Variants in GRID2 observed in about 807,000 individuals in gnomAD.
The protein encoded by GRID2 is glutamate ionotropic receptor delta type subunit 2.
In GRID2, 33 loss-of-function variants were observed where a neutral mutation model predicts 114.8. That is an observed-to-expected ratio of 0.29 (90% CI 0.22 to 0.38). The LOEUF (loss-of-function observed/expected upper bound fraction) is 0.38, where lower values mean the gene tolerates loss of function less well. GRID2 is among the 10% of genes least tolerant of loss of function. GRID2 has a pLI of 1.00. For synonymous variants in GRID2, 505 were observed against 449.9 expected, an observed-to-expected ratio of 1.12 and a Z score of -1.55; for missense variants, 1,184 against 1,257.7, an observed-to-expected ratio of 0.94 and a Z score of 0.89.
intron 2 of GRID2, among the ~76,000 whole-genome samples, chr4:92,911,847 C>A (rs946975720): frequency 9.3e-5 from 14 of 151,082 alleles, no homozygotes; most frequent in Non-Finnish European, 1.6e-4. Flanking sequence ...CATGCAGCAA[C>A]AATAAATCCC....
intron 11 of GRID2, among the ~76,000 whole-genome samples, chr4:93,469,611 A>G (rs763830025): frequency 1.1e-4 from 16 of 152,082 alleles, no homozygotes; most frequent in Non-Finnish European, 2.2e-4. Context: ...AACTCTTTCC[A>G]TTTAAACATT....
At chr4:93,180,085 G>A (rs1739740265) in intron 4 of GRID2, among the ~76,000 whole-genome samples, 1 of 151,978 alleles carries the variant, frequency 6.6e-6, no homozygotes, top group South Asian at 2.1e-4. Flanking sequence ...AGTTACTCAG[G>A]TTACATACAA....
intron 2 of GRID2, among the ~76,000 whole-genome samples, chr4:92,983,528 T>C (rs901356246): frequency 1.3e-5 from 2 of 152,126 alleles, no homozygotes; most frequent in African/African-American, 4.8e-5. Context: ...TCTCATTTTT[T>C]TGTCTTCAAA....
At chr4:93,507,156 A>G (rs1386423296) in intron 12 of GRID2, among the ~76,000 whole-genome samples, 2 of 152,194 alleles carry the variant, frequency 1.3e-5, no homozygotes, top group African/African-American at 4.8e-5. Context: ...AATATCTTTT[A>G]CAGAGCTCTT....
At chr4:93,467,968 T>C (rs1724448817) in intron 11 of GRID2, among the ~76,000 whole-genome samples, 1 of 152,222 alleles carries the variant, frequency 6.6e-6, no homozygotes, top group African/African-American at 2.4e-5. Context: ...TTGTTACCTT[T>C]CCAGAAGACC....
At chr4:92,941,369 G>T (rs1434792096) in intron 2 of GRID2, among the ~76,000 whole-genome samples, 1 of 152,120 alleles carries the variant, frequency 6.6e-6, no homozygotes, top group Non-Finnish European at 1.5e-5. Flanking sequence ...GGTGTTTATA[G>T]TATTCTCTGA....
At chr4:92,430,411 G>A (rs1326384622) in intron 1 of GRID2, among the ~76,000 whole-genome samples, 1 of 152,092 alleles carries the variant, frequency 6.6e-6, no homozygotes, top group African/African-American at 2.4e-5. Context: ...TGAGTTCACT[G>A]TAGATGTATG....
intron 2 of GRID2, among the ~76,000 whole-genome samples, chr4:92,872,232 T>C (rs1745329113): frequency 6.6e-6 from 1 of 152,152 alleles, no homozygotes; most frequent in Admixed American, 6.5e-5. Context: ...TTTATTAATA[T>C]CAATTTATGA....
intron 1 of GRID2, among the ~76,000 whole-genome samples, chr4:92,555,287 T>C (rs2149176708): frequency 1.3e-5 from 2 of 152,220 alleles, no homozygotes; most frequent in African/African-American, 4.8e-5. Flanking sequence ...GCACTAAATG[T>C]ATGTAGGGTT....
intron 1 of GRID2, among the ~76,000 whole-genome samples, chr4:92,466,854 T>C (rs772804574): frequency 1.3e-5 from 2 of 151,772 alleles, no homozygotes; most frequent in Admixed American, 1.3e-4. Context: ...TATATATATA[T>C]GTAAACATAC....
chr4:92,934,618 T>C (rs1242039117), intron 2 of GRID2, among the ~76,000 whole-genome samples: 2 of 146,062 alleles, frequency 1.4e-5, no homozygotes, highest in African/African-American at 2.4e-5. Flanking sequence ...GGAGGCATCA[T>C]GCTACCTGAC....
At chr4:92,508,869 T>C (rs186148801) in intron 1 of GRID2, among the ~76,000 whole-genome samples, 68 of 151,996 alleles carry the variant, frequency 4.5e-4, no homozygotes, top group African/African-American at 1.5e-3. Flanking sequence ...TTGAAATAAC[T>C]GTGGTTTGTA....
chr4:92,403,631 G>A (rs1730892752), intron 1 of GRID2, among the ~76,000 whole-genome samples: 1 of 151,806 alleles, frequency 6.6e-6, no homozygotes, highest in Non-Finnish European at 1.5e-5. Context: ...GGCAGAGGTT[G>A]CAGTGAGCAG....
In GRID2 at chr4:92,304,457, G is replaced by C. The variant is rs1300916746; in HGVS notation, c.-200G>C. 9.9e-6 allele frequency: 6 copies of C among 603,772 alleles called. No homozygotes were observed. The highest frequency in any genetic ancestry group is 3.0e-5 in the Admixed American group (1 of 33,450). The allele number at this position is 603,772 out of a possible 1,614,324, so 37.4% of individuals were successfully genotyped here. On this transcript the variant is annotated 5_prime_UTR_variant, in exon 1 of 16. Transcript: ENST00000282020. ...CCAAGTGACACGGCTTTGCGAAGGAGGTTTCCTCAGGCTGGGCTCTTTCTG... is the reference window on the plus strand; with the variant it reads ...CCAAGTGACACGGCTTTGCGAAGGACGTTTCCTCAGGCTGGGCTCTTTCTG...
chr4:93,626,709 G>A (rs1362829740), intron 14 of GRID2, among the ~76,000 whole-genome samples: 2 of 152,196 alleles, frequency 1.3e-5, no homozygotes, highest in Non-Finnish European at 2.9e-5. Context: ...GAAAGTAGGT[G>A]TGTTAGTAAT....
chr4:93,234,836 C>T (rs1272311926), intron 7 of GRID2, among the ~76,000 whole-genome samples: 1 of 151,970 alleles, frequency 6.6e-6, no homozygotes, highest in Non-Finnish European at 1.5e-5. Context: ...CCTTGCTGGG[C>T]CCATGCTTAT....
intron 1 of GRID2, among the ~76,000 whole-genome samples, chr4:92,576,837 C>T (rs1433263271): frequency 3.3e-5 from 5 of 152,114 alleles, no homozygotes; most frequent in Middle Eastern, 3.2e-3. Context: ...CTGGGTGTGC[C>T]GTTGCCCCAC....
chr4:93,388,303 A>C (rs534091985), intron 8 of GRID2, among the ~76,000 whole-genome samples: 1 of 152,262 alleles, frequency 6.6e-6, no homozygotes, highest in Non-Finnish European at 1.5e-5. Flanking sequence ...TGATTCTCAC[A>C]TTTGGCTCTA....
At chr4:92,381,309 A>G (rs34799717) in intron 1 of GRID2, among the ~76,000 whole-genome samples, 51,921 of 151,728 alleles carry the variant, frequency 0.34, 9,999 homozygotes, top group East Asian at 0.7. Flanking sequence ...TTGAAATTCT[A>G]TATCACCTCG....
Sources: gnomAD v4.1 joint callset for allele counts (sites outside exome capture counted in the v4.1 genomes callset) on GRCh38, gnomAD v4.1.1 for gene constraint, MANE v1.5 for transcripts, NCBI Gene and HGNC (gene_info 2026-07-23, HGNC 2026-07-21) for gene names.